The following TNFRSF11A variants were observed in gnomAD, a reference collection of about 807,000 sequenced individuals.
TNFRSF11A encodes the protein tumor necrosis factor receptor superfamily member 11A.
In TNFRSF11A, 32 loss-of-function variants were observed where a neutral mutation model predicts 55.7. That is an observed-to-expected ratio of 0.57 (90% CI 0.43 to 0.77). The LOEUF (loss-of-function observed/expected upper bound fraction) is 0.77, where lower values mean the gene tolerates loss of function less well. Ranked by LOEUF, TNFRSF11A falls within the 30% of genes least tolerant of loss-of-function variation. The pLI, the probability that TNFRSF11A is intolerant of heterozygous loss-of-function variation, is 0.00. For missense variants in TNFRSF11A, 753 were observed against 809.8 expected (o/e 0.93, Z 0.85); for synonymous variants, 311 against 331.0 (o/e 0.94, Z 0.65).
chr18:62,388,876 A>C lies in TNFRSF11A; in HGVS notation c.*3842A>C, dbSNP rs1164874636. ...TAAACAGATAAAAGATCGAGTGTTC[A>C]CCCTTCACCTCAGCTCAACAAACAA... On this transcript the variant is annotated 3_prime_UTR_variant, in exon 10 of 10. Coordinates refer to ENST00000586569, the MANE Select transcript of TNFRSF11A (RefSeq NM_003839.4). 1 of 152,226 alleles carries C rather than the reference A, an allele frequency of 6.6e-6. No individual in the cohort carries two copies. The highest frequency in any genetic ancestry group is 2.4e-5 in the African/African-American group (1 of 41,450). The allele number at this position is 152,226 out of a possible 1,614,324, so 9.4% of individuals were successfully genotyped here.
At chr18:62,328,229 A>C (rs184095670) in intron 1 of TNFRSF11A, among the ~76,000 whole-genome samples, 29 of 151,594 alleles carry the variant, frequency 1.9e-4, no homozygotes, top group African/African-American at 7.0e-4. Context: ...GAGGGGAGGG[A>C]GAGAGGGAGG....
chr18:62,355,267 CTTTA>C (rs1290139129), intron 4 of TNFRSF11A, among the ~76,000 whole-genome samples: 2 of 151,984 alleles, frequency 1.3e-5, no homozygotes, highest in East Asian at 1.9e-4. Context: ...TATTTGAAAT[CTTTA>C]TTTATTTTAT....
At chr18:62,336,231 G>A (rs1425064211) in intron 1 of TNFRSF11A, 2 of 152,224 alleles carry the variant, frequency 1.3e-5, no homozygotes, top group Admixed American at 6.5e-5. Flanking sequence ...CATTGACCTT[G>A]CCTGGGAGCT....
chr18:62,366,865 T>C (rs1910127922), intron 8 of TNFRSF11A, 105 bp downstream of exon 8: 4 of 1,215,366 alleles, frequency 3.3e-6, no homozygotes, highest in East Asian at 2.4e-5. Context: ...CCCACTTTTT[T>C]TGAGACGGAG....
chr18:62,356,953 C>T (rs886855876), intron 4 of TNFRSF11A, among the ~76,000 whole-genome samples: 6 of 152,176 alleles, frequency 3.9e-5, no homozygotes, highest in Non-Finnish European at 7.3e-5. Flanking sequence ...TGTTAGCCCC[C>T]GTCTCTTCGA....
chr18:62,354,286 G>T, intron 3 of TNFRSF11A, 105 bp from the exon 4 acceptor site: 1 of 1,390,944 alleles, frequency 7.2e-7, no homozygotes. Context: ...AGGCCTGCCA[G>T]GCGGGCTGCT....
In TNFRSF11A at chr18:62,382,948, A is replaced by G. The variant is rs115375932; in HGVS notation, c.1568-1803A>G. 2.4e-3 allele frequency among the ~76,000 whole-genome samples: 373 copies of G among 152,288 alleles called. 1 individual carries two copies. The highest frequency in any genetic ancestry group is 8.7e-3 in the African/African-American group (360 of 41,552). ...AATTTCCTGATGAGTTTATCTGGTGACAACAGACTTGAGAAGTAACTTGGT... is the reference window on the plus strand; with the variant it reads ...AATTTCCTGATGAGTTTATCTGGTGGCAACAGACTTGAGAAGTAACTTGGT... On this transcript the variant is annotated intron_variant, in intron 9 of 9. Coordinates refer to ENST00000586569, the MANE Select transcript of TNFRSF11A (RefSeq NM_003839.4).
chr18:62,364,281 G>A (rs1457679893), intron 7 of TNFRSF11A, among the ~76,000 whole-genome samples: 1 of 152,156 alleles, frequency 6.6e-6, no homozygotes, highest in African/African-American at 2.4e-5. Context: ...TTAGCGGGCT[G>A]GAAGGAGCTA....
At chr18:62,354,319 G>A in intron 3 of TNFRSF11A, 72 bp from the exon 4 acceptor site, 2 of 1,472,300 alleles carry the variant, frequency 1.4e-6, no homozygotes, top group Non-Finnish European at 1.8e-6. Context: ...ATGTTGGATA[G>A]CGCAGTCGTG....
chr18:62,344,077 G>A (rs879745145), intron 1 of TNFRSF11A, among the ~76,000 whole-genome samples: 1 of 152,112 alleles, frequency 6.6e-6, no homozygotes, highest in Non-Finnish European at 1.5e-5. Context: ...ATAGGCCCTC[G>A]ATTAGATCAC....
At chr18:62,346,281 A>G (rs2046382658) in intron 1 of TNFRSF11A, among the ~76,000 whole-genome samples, 1 of 152,182 alleles carries the variant, frequency 6.6e-6, no homozygotes, top group African/African-American at 2.4e-5. Context: ...TTAGGCTCGG[A>G]TGAATCCAGC....
Position 62,383,009 on chromosome 18 carries a change from G to C in TNFRSF11A, c.1568-1742G>C, listed in dbSNP as rs1383989612. Among the ~76,000 whole-genome samples, 1 of 152,172 alleles carries C rather than the reference G, an allele frequency of 6.6e-6. No individual in the cohort carries two copies. The highest frequency in any genetic ancestry group is 1.5e-5 in the Non-Finnish European group (1 of 68,032). ...AGCAGAAGGGCGTAGATACAGTGGT[G>C]AGCAGACCCTCACTGGAGTACGCTG... is the stretch of plus-strand genomic sequence containing the variant. On this transcript the variant is annotated intron_variant, in intron 9 of 9. Coordinates refer to ENST00000586569, the MANE Select transcript of TNFRSF11A (RefSeq NM_003839.4). The surrounding 1 kb of genome is among the most constrained non-coding windows in gnomAD (Gnocchi z 4.2).
chr18:62,357,619 T>C (rs771691277), intron 4 of TNFRSF11A, among the ~76,000 whole-genome samples: 9 of 152,248 alleles, frequency 5.9e-5, no homozygotes, highest in Admixed American at 2.6e-4. Flanking sequence ...ATTTACTCTA[T>C]GACCCTTTAT....
At chr18:62,384,533 T>G (rs1216536391) in intron 9 of TNFRSF11A, among the ~76,000 whole-genome samples, 1 of 142,996 alleles carries the variant, frequency 7.0e-6, no homozygotes, top group Non-Finnish European at 1.5e-5. Context: ...CCGCCTCTTC[T>G]CTTTACTTCT....
rs1329878904 is a variant in TNFRSF11A, at chr18:62,369,048, C to T, written c.1131C>T (p.Pro377=). 1.2e-6 allele frequency: 2 copies of T among 1,614,224 alleles called. No homozygotes were observed. Among genetic ancestry groups the T allele is most frequent in the Admixed American group, 1.7e-5 (1 of 60,032 alleles). ...GSKSTPPFSE[P]LEVGENDSLS... is the part of the protein sequence containing the mutation. ...AATCCACACCTCCTTTCTCTGAACC[C>T]CTGGAGGTGGGGGAGAATGACAGTT... is the stretch of plus-strand genomic sequence containing the variant. Residue 377 remains proline (P), a synonymous_variant, in exon 9 of 10, where the codon CCC becomes CCT. Coordinates refer to ENST00000586569, the MANE Select transcript of TNFRSF11A (RefSeq NM_003839.4).
intron 1 of TNFRSF11A, among the ~76,000 whole-genome samples, chr18:62,339,371 G>A (rs991392939): frequency 9.9e-5 from 15 of 152,170 alleles, no homozygotes; most frequent in African/African-American, 3.6e-4. Flanking sequence ...CCTCTTGTAA[G>A]TCCTTCCCTA....
rs1426026726 is a variant in TNFRSF11A at position 62,325,752 on chromosome 18, G to T, written c.75+325G>T. On this transcript the variant is annotated intron_variant, in intron 1 of 9. Coordinates refer to ENST00000586569, the MANE Select transcript of TNFRSF11A (RefSeq NM_003839.4). The surrounding 1 kb of genome is among the most constrained non-coding windows in gnomAD (Gnocchi z 4.7). The stretch of plus-strand genomic sequence containing the variant: ...AATGCTTCTTGAGCACCTACTAAGC[G>T]CTTGCGCCGGGCGGTGCCGCGGGAG... Among the ~76,000 whole-genome samples, 1 of 152,206 alleles carries T rather than the reference G, an allele frequency of 6.6e-6. No homozygotes were observed. Among genetic ancestry groups the T allele is most frequent in the South Asian group, 2.1e-4 (1 of 4,836 alleles).
chr18:62,362,026 A>G (rs759497508), intron 7 of TNFRSF11A, among the ~76,000 whole-genome samples: 7 of 152,232 alleles, frequency 4.6e-5, no homozygotes, highest in Non-Finnish European at 8.8e-5. Flanking sequence ...CGTTCAGGAA[A>G]CGGATGACTT....
intron 9 of TNFRSF11A, among the ~76,000 whole-genome samples, chr18:62,378,386 A>G (rs577266480): frequency 6.6e-6 from 1 of 152,330 alleles, no homozygotes; most frequent in African/African-American, 2.4e-5. Flanking sequence ...CAATCATATG[A>G]TTGAGGACTT....
Sources: allele counts gnomAD v4.1 joint callset (sites outside exome capture counted in the v4.1 genomes callset), GRCh38; gene constraint gnomAD v4.1.1; non-coding constraint Gnocchi (gnomAD v3.1); transcripts MANE v1.5; gene names NCBI Gene and HGNC (gene_info 2026-07-23, HGNC 2026-07-21).